TPMT: variants seen among roughly 807,000 people sequenced by gnomAD.
The protein encoded by TPMT is S-adenosyl-L-methionine:thiopurine S-methyltransferase.
TPMT carries 18 observed loss-of-function variants against 34.2 expected under a neutral mutation model. The ratio of observed to expected loss-of-function variants is 0.53; its 90% CI spans 0.36 to 0.78. The LOEUF is 0.78. TPMT is among the 30% of genes least tolerant of loss of function. The pLI, the probability that TPMT is intolerant of heterozygous loss-of-function variation, is 0.00. For missense variants in TPMT, 265 were observed against 288.1 expected (o/e 0.92, Z 0.58); for synonymous variants, 69 against 92.4 (o/e 0.75, Z 1.45).
In TPMT at chr6:18,146,095, G is replaced by C. The variant is rs142908761; in HGVS notation, c.233+1728C>G. 4.0e-3 allele frequency among the ~76,000 whole-genome samples: 613 copies of C among 152,176 alleles called. 4 individuals are homozygous for C. The highest frequency in any genetic ancestry group is 0.014 in the African/African-American group (562 of 41,502). On this transcript the variant is annotated intron_variant, in intron 3 of 8. Coordinates refer to ENST00000309983, the MANE Select transcript of TPMT (RefSeq NM_000367.5). This position sits in a 1 kb window ranked among gnomAD's most constrained non-coding sequence, Gnocchi z 6.2. ...TGTATAGACCTCAATACATAGATCA[G>C]TTACATAAATGAAAAATCATCTACT...
intron 3 of TPMT, among the ~76,000 whole-genome samples, chr6:18,144,794 C>A (rs1285344519): frequency 1.3e-5 from 2 of 151,918 alleles, no homozygotes; most frequent in African/African-American, 4.8e-5. Context: ...AATCTCAGCT[C>A]ACTGCAACCT....
Position 18,132,413 on chromosome 6 carries a change from C to T in TPMT, c.581-236G>A. 6.6e-6 allele frequency among the ~76,000 whole-genome samples: 1 copy of T among 152,152 alleles called. No homozygotes were observed. Among genetic ancestry groups the T allele is most frequent in the East Asian group, 1.9e-4 (1 of 5,188 alleles). Reference sequence around the variant, plus strand: ...CTAAACCGGTCAAGGGACTTAGGCTCATTGAAATCAGAGTGGATTCCATCA... The same window carrying T: ...CTAAACCGGTCAAGGGACTTAGGCTTATTGAAATCAGAGTGGATTCCATCA... On this transcript the variant is annotated intron_variant, in intron 7 of 8. Transcript: ENST00000309983. This position sits in a 1 kb window ranked among gnomAD's most constrained non-coding sequence, Gnocchi z 4.8.
In TPMT at chr6:18,143,530, A is replaced by G. The variant is rs879344848; in HGVS notation, c.366+66T>C. 1.6e-5 allele frequency: 26 copies of G among 1,593,568 alleles called. No homozygotes were observed. The highest frequency in any genetic ancestry group is 2.2e-5 in the Non-Finnish European group (26 of 1,164,618). ...CGGACACATGAATGGTATCCTCATA[A>G]TACTCACACTGAGAAAAACTTTTGT... On this transcript the variant is annotated intron_variant, in intron 4 of 8. Coordinates refer to ENST00000309983, the MANE Select transcript of TPMT (RefSeq NM_000367.5). This position sits in a 1 kb window ranked among gnomAD's most constrained non-coding sequence, Gnocchi z 6.1.
intron 4 of TPMT, among the ~76,000 whole-genome samples, chr6:18,141,046 G>A (rs1784128702): frequency 1.3e-5 from 2 of 152,184 alleles, no homozygotes; most frequent in South Asian, 4.1e-4. Flanking sequence ...TTTGCCTGCA[G>A]ATTGGAATCA....
At position 18,140,561 on chromosome 6, in the gene TPMT, G is replaced by A. The variant is rs1784120363; in HGVS notation, c.367-844C>T. Among the ~76,000 whole-genome samples the A allele has an allele frequency of 6.6e-6, 1 of 152,246 alleles. No homozygotes were observed. The highest frequency in any genetic ancestry group is 2.1e-4 in the South Asian group (1 of 4,820). ...TAGATGGGTGTGGTGGCACACACCT[G>A]TAGTTCCAGCTACCTGGGAGGCTGA... On this transcript the variant is annotated intron_variant, in intron 4 of 8. Transcript: ENST00000309983. This position sits in a 1 kb window ranked among gnomAD's most constrained non-coding sequence, Gnocchi z 4.7.
chr6:18,147,189 G>A (rs920269440), intron 3 of TPMT, among the ~76,000 whole-genome samples: 1 of 152,182 alleles, frequency 6.6e-6, no homozygotes, highest in Non-Finnish European at 1.5e-5. Context: ...TGGCAGGTAT[G>A]ATTGTATCTG....
At chr6:18,147,727 C>A (rs17839845) in intron 3 of TPMT, 96 bp downstream of exon 3, 48,839 of 1,111,226 alleles carry the variant, frequency 0.044, 1,348 homozygotes, top group African/African-American at 0.1. Context: ...CTGTGTATTT[C>A]CTGAAAATGG....
At chr6:18,141,825 A>G (rs902580748) in intron 4 of TPMT, among the ~76,000 whole-genome samples, 1 of 152,144 alleles carries the variant, frequency 6.6e-6, no homozygotes, top group Non-Finnish European at 1.5e-5. Context: ...GCCTCAAATC[A>G]TTTTTCCTTT....
At chr6:18,141,196 G>A (rs964773442) in intron 4 of TPMT, among the ~76,000 whole-genome samples, 1 of 152,076 alleles carries the variant, frequency 6.6e-6, no homozygotes, top group Non-Finnish European at 1.5e-5. Flanking sequence ...GCGGGGAACT[G>A]CTGCTCCAAG....
rs1422795940 is a variant in TPMT at position 18,139,207 on chromosome 6, A to C, written c.420-170T>G. 6.6e-6 allele frequency among the ~76,000 whole-genome samples: 1 copy of C among 152,088 alleles called. No individual in the cohort carries two copies. The highest frequency in any genetic ancestry group is 2.4e-5 in the African/African-American group (1 of 41,408). On this transcript the variant is annotated intron_variant, in intron 5 of 8. Transcript: ENST00000309983. The surrounding 1 kb of genome is among the most constrained non-coding windows in gnomAD (Gnocchi z 4.2). Reference sequence around the variant, plus strand: ...TGGACCTGGGTGTGGAGAGCTGTCCATCCCCTCATGGTTTTAGGAGCCTGT... The same window carrying C: ...TGGACCTGGGTGTGGAGAGCTGTCCCTCCCCTCATGGTTTTAGGAGCCTGT...
rs1350094041 is a variant in TPMT at position 18,131,094 on chromosome 6, C to T, written c.626-314G>A. 6.6e-6 allele frequency among the ~76,000 whole-genome samples: 1 copy of T among 152,194 alleles called. No homozygotes were observed. Among genetic ancestry groups the T allele is most frequent in the East Asian group, 1.9e-4 (1 of 5,196 alleles). ...TGGAGGTTGCAGTGAGCTGAGATTGCACCATCGCGCTCTAGCCTAGGCAAC... is the reference window on the plus strand; with the variant it reads ...TGGAGGTTGCAGTGAGCTGAGATTGTACCATCGCGCTCTAGCCTAGGCAAC... On this transcript the variant is annotated intron_variant, in intron 8 of 8. Transcript: ENST00000309983. This position sits in a 1 kb window ranked among gnomAD's most constrained non-coding sequence, Gnocchi z 4.3.
chr6:18,152,035 G>A (rs375724759), intron 1 of TPMT, among the ~76,000 whole-genome samples: 12 of 152,142 alleles, frequency 7.9e-5, no homozygotes, highest in African/African-American at 2.7e-4. Flanking sequence ...CTGGTGTGGT[G>A]AGATGTACAC....
rs990934918 is a variant in TPMT at position 18,131,784 on chromosome 6, G to T, written c.625+349C>A. ...CTAATATACTAATAGTTCACAATAG[G>T]TTTTTTTTTTTTAGATGGAGTCTCA... is the stretch of plus-strand genomic sequence containing the variant. On this transcript the variant is annotated intron_variant, in intron 8 of 8. Transcript: ENST00000309983. The surrounding 1 kb of genome is among the most constrained non-coding windows in gnomAD (Gnocchi z 4.3). Among the ~76,000 whole-genome samples, 5 of 145,084 alleles carry T rather than the reference G, an allele frequency of 3.4e-5. No individual in the cohort carries two copies. The highest frequency in any genetic ancestry group is 6.1e-5 in the Non-Finnish European group (4 of 65,526).
intron 3 of TPMT, among the ~76,000 whole-genome samples, chr6:18,147,473 A>G (rs539073283): frequency 7.9e-5 from 12 of 152,332 alleles, no homozygotes; most frequent in Non-Finnish European, 1.8e-4. Context: ...GTCCACCACC[A>G]TTTCAAATAT....
rs185232001 is a variant in TPMT, at chr6:18,153,768, T to C, written c.-45+1265A>G. On this transcript the variant is annotated intron_variant, in intron 1 of 8. Transcript: ENST00000309983. This position sits in a 1 kb window ranked among gnomAD's most constrained non-coding sequence, Gnocchi z 4.2. ...TTTTCTCATTTTCATTCAGAAACTC[T>C]GGAACCTAAATTCAAGGCTTCATAA... 8.5e-4 allele frequency among the ~76,000 whole-genome samples: 129 copies of C among 152,336 alleles called. No individual in the cohort carries two copies. Among genetic ancestry groups the C allele is most frequent in the Middle Eastern group, 3.4e-3 (1 of 294 alleles).
Position 18,129,088 on chromosome 6 carries a change from T to C in TPMT, c.*1580A>G, listed in dbSNP as rs1008310988. On this transcript the variant is annotated 3_prime_UTR_variant, in exon 9 of 9. Coordinates refer to ENST00000309983, the MANE Select transcript of TPMT (RefSeq NM_000367.5). ...ACCCTGTCTCTACATAAAAGTAAAATCAAAAGTCTCTGGAGAGAATTGTGT... is the reference window on the plus strand; with the variant it reads ...ACCCTGTCTCTACATAAAAGTAAAACCAAAAGTCTCTGGAGAGAATTGTGT... 1 of 152,110 alleles carries C rather than the reference T, an allele frequency of 6.6e-6. No individual in the cohort carries two copies. The highest frequency in any genetic ancestry group is 2.4e-5 in the African/African-American group (1 of 41,406). 9.4% of individuals were successfully genotyped at this position (152,110 alleles called of 1,614,324 possible). A position where few individuals can be genotyped will look rare whatever the true frequency, so the allele number is the denominator to read the frequency against.
chr6:18,148,423 TG>T lies in TPMT; in HGVS notation c.141-509del, dbSNP rs1784289283. Among the ~76,000 whole-genome samples the T allele has an allele frequency of 6.6e-6, 1 of 152,184 alleles. No individual in the cohort carries two copies. The highest frequency in any genetic ancestry group is 1.5e-5 in the Non-Finnish European group (1 of 68,032). On this transcript the variant is annotated intron_variant, in intron 2 of 8. Transcript: ENST00000309983. The surrounding 1 kb of genome is among the most constrained non-coding windows in gnomAD (Gnocchi z 4.1). The stretch of plus-strand genomic sequence containing the variant: ...TGATGATGATGATGATGTCATCTCC[TG>T]GGGAGATGGGCGTGGCTGCCCAGAA...
chr6:18,138,786 G>A lies in TPMT; in HGVS notation c.494+177C>T, dbSNP rs1784088888. ...CTTATAGCCTTACACCCAGGTCTCT[G>A]TAGTCAAATCCTATACTTTTTAGAC... On this transcript the variant is annotated intron_variant, in intron 6 of 8. Coordinates refer to ENST00000309983, the MANE Select transcript of TPMT (RefSeq NM_000367.5). This position sits in a 1 kb window ranked among gnomAD's most constrained non-coding sequence, Gnocchi z 4.1. 6.6e-6 allele frequency among the ~76,000 whole-genome samples: 1 copy of A among 152,152 alleles called. No individual in the cohort carries two copies.
At position 18,132,809 on chromosome 6, in the gene TPMT, A is replaced by G. The variant is rs1338602681; in HGVS notation, c.581-632T>C. ...CAATTTATTCAAGCAGAAACAAAATACTAGCTGGGAACGGTGGCTCACGCC... is the reference window on the plus strand; with the variant it reads ...CAATTTATTCAAGCAGAAACAAAATGCTAGCTGGGAACGGTGGCTCACGCC... On this transcript the variant is annotated intron_variant, in intron 7 of 8. Coordinates refer to ENST00000309983, the MANE Select transcript of TPMT (RefSeq NM_000367.5). The surrounding 1 kb of genome is among the most constrained non-coding windows in gnomAD (Gnocchi z 4.8). Among the ~76,000 whole-genome samples the G allele has an allele frequency of 6.6e-6, 1 of 151,904 alleles. No homozygotes were observed. Among genetic ancestry groups the G allele is most frequent in the Non-Finnish European group, 1.5e-5 (1 of 67,970 alleles).
Sources: allele counts gnomAD v4.1 joint callset (sites outside exome capture counted in the v4.1 genomes callset), GRCh38; gene constraint gnomAD v4.1.1; non-coding constraint Gnocchi (gnomAD v3.1); transcripts MANE v1.5; gene names NCBI Gene and HGNC (gene_info 2026-07-23, HGNC 2026-07-21).